The following TCAIM variants were observed in gnomAD, a reference collection of about 807,000 sequenced individuals.
TCAIM encodes T cell activation inhibitor, mitochondrial.
Under a neutral mutation model 58.6 loss-of-function variants are expected in TCAIM, and 36 were observed. The observed-to-expected ratio is 0.61, with a 90% CI of 0.47 to 0.81. The LOEUF (loss-of-function observed/expected upper bound fraction) is 0.81, where lower values mean the gene tolerates loss of function less well. Ranked by LOEUF, TCAIM falls within the 30% of genes least tolerant of loss-of-function variation. The pLI, the probability that TCAIM is intolerant of heterozygous loss-of-function variation, is 0.00. For synonymous variants in TCAIM, 172 were observed against 193.6 expected, an observed-to-expected ratio of 0.89 and a Z score of 0.93; for missense variants, 466 against 579.6, an observed-to-expected ratio of 0.80 and a Z score of 2.01.
intron 1 of TCAIM, among the ~76,000 whole-genome samples, chr3:44,344,150 T>C (rs997654741): frequency 1.3e-5 from 2 of 151,950 alleles, no homozygotes; most frequent in Non-Finnish European, 2.9e-5. Context: ...TAGCTGGAAT[T>C]ACAGGCGTGT....
In TCAIM at chr3:44,360,149, A is replaced by G. The variant is rs546509926; in HGVS notation, c.166-1216A>G. Among the ~76,000 whole-genome samples the G allele has an allele frequency of 2.0e-5, 3 of 151,612 alleles. No individual in the cohort carries two copies. The South Asian group carries it at 6.2e-4, about 32-fold the overall frequency. On this transcript the variant is annotated intron_variant, in intron 3 of 10. Transcript: ENST00000342649. ...TGCCATCTCTGCTTTCCTTCCTAGCATTCCGTCCCCTCTTTACCCTGCAGT... is the reference window on the plus strand; with the variant it reads ...TGCCATCTCTGCTTTCCTTCCTAGCGTTCCGTCCCCTCTTTACCCTGCAGT...
At chr3:44,374,586 T>C (rs1701535670) in intron 5 of TCAIM, among the ~76,000 whole-genome samples, 1 of 151,918 alleles carries the variant, frequency 6.6e-6, no homozygotes, top group Non-Finnish European at 1.5e-5. Flanking sequence ...TAAGACCTTG[T>C]CTGTAGAAAA....
chr3:44,341,029 T>C (rs1700845395), intron 1 of TCAIM: 1 of 152,196 alleles, frequency 6.6e-6, no homozygotes, highest in Non-Finnish European at 1.5e-5. Flanking sequence ...TTTTTTCCAA[T>C]GATTTGTATA....
Position 44,407,774 on chromosome 3 carries a change from C to A in TCAIM, c.*92C>A. 7.8e-7 allele frequency: 1 copy of A among 1,285,746 alleles called. No individual in the cohort carries two copies. The highest frequency in any genetic ancestry group is 1.8e-5 in the South Asian group (1 of 56,204). The allele number at this position is 1,285,746 out of a possible 1,614,324, so 79.6% of individuals were successfully genotyped here. A position where few individuals can be genotyped will look rare whatever the true frequency, so the allele number is the denominator to read the frequency against. ...CAATTTGATATAACAGTATTATTTACATAAGAACAAAGTTTCTAACTGCTG... is the reference window on the plus strand; with the variant it reads ...CAATTTGATATAACAGTATTATTTAAATAAGAACAAAGTTTCTAACTGCTG... On this transcript the variant is annotated 3_prime_UTR_variant, in exon 11 of 11. Transcript: ENST00000342649.
At chr3:44,357,196 G>A (rs1184364776) in intron 2 of TCAIM, among the ~76,000 whole-genome samples, 1 of 152,020 alleles carries the variant, frequency 6.6e-6, no homozygotes, top group Non-Finnish European at 1.5e-5. Context: ...CTTGAGGCCA[G>A]CAGTTTGAGA....
chr3:44,404,516 G>A (rs1174555948), intron 10 of TCAIM, among the ~76,000 whole-genome samples: 1 of 151,922 alleles, frequency 6.6e-6, no homozygotes, highest in Middle Eastern at 3.2e-3. Flanking sequence ...AGCACTTGCT[G>A]TTGGTCCCAA....
chr3:44,347,981 A>C (rs542150350), intron 1 of TCAIM, among the ~76,000 whole-genome samples: 1 of 152,294 alleles, frequency 6.6e-6, no homozygotes, highest in Admixed American at 6.5e-5. Context: ...CAGATAATTT[A>C]GTTAAAATGC....
At chr3:44,369,262 T>A (rs768343746) in intron 5 of TCAIM, among the ~76,000 whole-genome samples, 1 of 152,114 alleles carries the variant, frequency 6.6e-6, no homozygotes, top group Non-Finnish European at 1.5e-5. Context: ...GAGAATATTG[T>A]TGTACTTATC....
At chr3:44,358,723 C>T in intron 3 of TCAIM, 1 of 986,596 alleles carries the variant, frequency 1.0e-6, no homozygotes, top group Non-Finnish European at 1.2e-6. Context: ...TACCAAGGGA[C>T]TGCTATGTAT....
intron 4 of TCAIM, among the ~76,000 whole-genome samples, chr3:44,362,090 T>C (rs933078598): frequency 2.0e-5 from 3 of 152,232 alleles, no homozygotes; most frequent in Admixed American, 6.5e-5. Context: ...CTATCATTTC[T>C]CTAATTATAC....
At chr3:44,372,069 GGAA>G (rs1701485662) in intron 5 of TCAIM, among the ~76,000 whole-genome samples, 1 of 117,362 alleles carries the variant, frequency 8.5e-6, no homozygotes, top group Non-Finnish European at 1.9e-5. Flanking sequence ...AAGGAAGGAA[GGAA>G]GGAAGATACA....
intron 9 of TCAIM, 162 bp downstream of exon 9, chr3:44,400,749 C>A: frequency 3.1e-6 from 2 of 644,412 alleles, no homozygotes; most frequent in South Asian, 1.9e-5. Flanking sequence ...ACTAGAAAAG[C>A]CAGCATGGGA....
chr3:44,357,711 A>G (rs1701222946), intron 2 of TCAIM, 30 bp from the exon 3 acceptor site: 1 of 1,611,268 alleles, frequency 6.2e-7, no homozygotes, highest in Non-Finnish European at 8.5e-7. Context: ...GAGTGCCTCA[A>G]TGAATAACCA....
In TCAIM at chr3:44,348,054, T is replaced by C. The variant is rs540843681; in HGVS notation, c.-44-6685T>C. ...TAAAAAGTAGTGCATAAAAGAATATTGTCCAAGTTGGCACCAGAGTTGGGG... is the reference window on the plus strand; with the variant it reads ...TAAAAAGTAGTGCATAAAAGAATATCGTCCAAGTTGGCACCAGAGTTGGGG... On this transcript the variant is annotated intron_variant, in intron 1 of 10. Coordinates refer to ENST00000342649, the MANE Select transcript of TCAIM (RefSeq NM_173826.4). Among the ~76,000 whole-genome samples, 5 of 152,258 alleles carry C rather than the reference T, an allele frequency of 3.3e-5. No homozygotes were observed. The South Asian group carries it at 1.0e-3, about 32-fold the overall frequency.
intron 6 of TCAIM, 54 bp from the exon 7 acceptor site, chr3:44,396,346 G>A (rs1429950239): frequency 7.9e-6 from 12 of 1,513,370 alleles, no homozygotes; most frequent in African/African-American, 5.6e-5. Flanking sequence ...GTGGGTGCTC[G>A]CTCCGTCTTC....
chr3:44,373,027 G>C (rs1002846996), intron 5 of TCAIM, among the ~76,000 whole-genome samples: 1 of 152,064 alleles, frequency 6.6e-6, no homozygotes, highest in South Asian at 2.1e-4. Flanking sequence ...AATTTTATCT[G>C]TTTTTGGTTT....
intron 5 of TCAIM, among the ~76,000 whole-genome samples, chr3:44,369,830 A>G (rs1701436391): frequency 6.6e-6 from 1 of 152,204 alleles, no homozygotes; most frequent in Non-Finnish European, 1.5e-5. Flanking sequence ...GAACTGAACT[A>G]AAGAATTGTT....
chr3:44,398,079 A>G (rs1189027862), intron 8 of TCAIM, among the ~76,000 whole-genome samples: 1 of 152,090 alleles, frequency 6.6e-6, no homozygotes, highest in Non-Finnish European at 1.5e-5. Context: ...AAACGGTGAC[A>G]TGAAATGACA....
intron 5 of TCAIM, among the ~76,000 whole-genome samples, chr3:44,378,679 C>T (rs760991106): frequency 1.3e-5 from 2 of 151,628 alleles, no homozygotes; most frequent in Non-Finnish European, 2.9e-5. Context: ...GGCATGGTGG[C>T]AGGTGCCTGT....
Sources: allele counts gnomAD v4.1 joint callset (sites outside exome capture counted in the v4.1 genomes callset), GRCh38; gene constraint gnomAD v4.1.1; transcripts MANE v1.5; gene names NCBI Gene and HGNC (gene_info 2026-07-23, HGNC 2026-07-21).